Variants in POLR2C observed in about 807,000 individuals in gnomAD.
The protein encoded by POLR2C is DNA-directed RNA polymerase II subunit RPB3.
POLR2C carries 36 observed loss-of-function variants against 41.7 expected under a neutral mutation model. That is an observed-to-expected ratio of 0.86 (90% CI 0.66 to 1.14). The LOEUF is 1.14. Ranked by LOEUF, POLR2C falls within the 50% of genes most tolerant of loss-of-function variation. POLR2C has a pLI of 0.00. For synonymous variants in POLR2C, 133 were observed against 137.8 expected, an observed-to-expected ratio of 0.96 and a Z score of 0.25; for missense variants, 260 against 350.4, an observed-to-expected ratio of 0.74 and a Z score of 2.06.
At chr16:57,463,230 G>A in intron 2 of POLR2C, 152 bp downstream of exon 2, 1 of 717,698 alleles carries the variant, frequency 1.4e-6, no homozygotes, top group Non-Finnish European at 2.5e-6. Flanking sequence ...CATACCCTGT[G>A]CCCTTGGCTC....
chr16:57,470,424 T>C, intron 8 of POLR2C, 70 bp downstream of exon 8: 2 of 1,145,458 alleles, frequency 1.7e-6, no homozygotes, highest in East Asian at 2.6e-5. Flanking sequence ...GGCCGTGAGT[T>C]AGGCATTCCC....
Position 57,469,747 on chromosome 16 carries a change from A to G in POLR2C, c.425A>G (p.Tyr142Cys). Residue 142 changes from tyrosine to cysteine, a missense_variant, in exon 6 of 9, where the codon TAC becomes TGC. By Grantham distance (194) the Tyr-to-Cys change is radical (BLOSUM62 -2). Coordinates refer to ENST00000219252, the MANE Select transcript of POLR2C (RefSeq NM_032940.3). The surrounding 1 kb of genome is among the most constrained non-coding windows in gnomAD (Gnocchi z 5.8). The part of the protein sequence containing the change: ...SRNRDNDPND[Y>C]VEQDDILIVK... ...AACCGAGATAATGACCCCAATGACT[A>G]CGTGGAGCAGGATGGTAAGTCTTCC... The G allele has an allele frequency of 6.2e-7, 1 of 1,613,976 alleles. No individual in the cohort carries two copies. Among genetic ancestry groups the G allele is most frequent in the Non-Finnish European group, 8.5e-7 (1 of 1,179,824 alleles).
rs562122374 is a variant in POLR2C, at chr16:57,466,325, TGTA to T, written c.258+101_258+103del. 92 of 799,972 alleles carry T rather than the reference TGTA, an allele frequency of 1.2e-4. No homozygotes were observed. In the African/African-American group the frequency reaches 1.4e-3, roughly 12 times the overall value. The allele number at this position is 799,972 out of a possible 1,614,324, so 49.6% of individuals were successfully genotyped here. A position where few individuals can be genotyped will look rare whatever the true frequency, so the allele number is the denominator to read the frequency against. On this transcript the variant is annotated intron_variant, in intron 4 of 8. Transcript: ENST00000219252. Reference sequence around the variant, plus strand: ...ATTTGGCATCCAGCTTGAATACTGTTGTAGTTCTGGAACAACAACGTGGAGATG... The same window carrying T: ...ATTTGGCATCCAGCTTGAATACTGTTGTTCTGGAACAACAACGTGGAGATG...
chr16:57,469,412 C>A lies in POLR2C; in HGVS notation c.387+119C>A. The A allele has an allele frequency of 8.9e-7, 1 of 1,123,910 alleles. No homozygotes were observed. The allele number at this position is 1,123,910 out of a possible 1,614,324, so 69.6% of individuals were successfully genotyped here. On this transcript the variant is annotated intron_variant, in intron 5 of 8. Coordinates refer to ENST00000219252, the MANE Select transcript of POLR2C (RefSeq NM_032940.3). The surrounding 1 kb of genome is among the most constrained non-coding windows in gnomAD (Gnocchi z 5.8). ...GTTGGCTTTCCCTGTTACCCTCTGC[C>A]TTAATCTGATCCCTAGAAGTGCTAA... is the stretch of plus-strand genomic sequence containing the variant.
Position 57,469,622 on chromosome 16 carries a change from T to C in POLR2C, c.388-88T>C, listed in dbSNP as rs1229406158. On this transcript the variant is annotated intron_variant, in intron 5 of 8. Coordinates refer to ENST00000219252, the MANE Select transcript of POLR2C (RefSeq NM_032940.3). The surrounding 1 kb of genome is among the most constrained non-coding windows in gnomAD (Gnocchi z 5.8). ...AGGTGTTCGTTCCCTGGTTGACAGA[T>C]TGCAGTCTAGAGGTGCTGGGATATG... 1.8e-6 allele frequency: 2 copies of C among 1,117,580 alleles called. No individual in the cohort carries two copies. Among genetic ancestry groups the C allele is most frequent in the Non-Finnish European group, 2.7e-6 (2 of 731,418 alleles). The allele number at this position is 1,117,580 out of a possible 1,614,324, so 69.2% of individuals were successfully genotyped here.
intron 8 of POLR2C, 91 bp downstream of exon 8, chr16:57,470,445 C>A: frequency 1.1e-6 from 1 of 894,096 alleles, no homozygotes; most frequent in Non-Finnish European, 1.8e-6. Flanking sequence ...TCTCCCCCAC[C>A]TCGCAGTTCT....
intron 8 of POLR2C, among the ~76,000 whole-genome samples, chr16:57,470,724 T>G (rs1433888100): frequency 6.6e-6 from 1 of 152,218 alleles, no homozygotes; most frequent in Non-Finnish European, 1.5e-5. Context: ...TCAGGGGGCA[T>G]GCATACATAC....
intron 3 of POLR2C, 40 bp downstream of exon 3, chr16:57,466,061 T>C: frequency 1.4e-6 from 2 of 1,450,180 alleles, no homozygotes; most frequent in Non-Finnish European, 9.7e-7. Context: ...GGGAGGGTAT[T>C]GTGCCTAGTG....
chr16:57,470,964 T>A lies in POLR2C; in HGVS notation c.684-11T>A. ...GCCTCGCAGTGCACTCACTGGACTC[T>A]TGCCTCCTAGGTTTTACTACAATGT... On this transcript the variant is annotated splice_polypyrimidine_tract_variant and intron_variant, in intron 8 of 8. Transcript: ENST00000219252. 1 of 1,611,644 alleles carries A rather than the reference T, an allele frequency of 6.2e-7. No homozygotes were observed. The highest frequency in any genetic ancestry group is 8.5e-7 in the Non-Finnish European group (1 of 1,179,766).
intron 8 of POLR2C, 88 bp downstream of exon 8, chr16:57,470,442 C>G (rs990199784): frequency 1.1e-5 from 10 of 931,726 alleles, no homozygotes; most frequent in African/African-American, 3.3e-5. Flanking sequence ...CCCTCTCCCC[C>G]ACCTCGCAGT....
At position 57,471,417 on chromosome 16, in the gene POLR2C, C is replaced by T; in HGVS notation, c.*298C>T. ...GTGCACCTGTAGGGAACCAACTAGACTTCTCTCCTGGTTAGTCCAGCTCTT... is the reference window on the plus strand; with the variant it reads ...GTGCACCTGTAGGGAACCAACTAGATTTCTCTCCTGGTTAGTCCAGCTCTT... On this transcript the variant is annotated 3_prime_UTR_variant, in exon 9 of 9. Transcript: ENST00000219252. The T allele has an allele frequency of 2.9e-6, 1 of 346,132 alleles. No individual in the cohort carries two copies. Among genetic ancestry groups the T allele is most frequent in the East Asian group, 5.5e-5 (1 of 18,334 alleles). 21.4% of individuals were successfully genotyped at this position (346,132 alleles called of 1,614,324 possible).
At chr16:57,464,897 G>A (rs2030666218) in intron 2 of POLR2C, among the ~76,000 whole-genome samples, 1 of 152,176 alleles carries the variant, frequency 6.6e-6, no homozygotes, top group Admixed American at 6.5e-5. Flanking sequence ...GGACCTGCGT[G>A]AAGGAATTTC....
In POLR2C at chr16:57,471,032, A is replaced by C. The variant is rs774017968; in HGVS notation, c.741A>C (p.Ser247=). ...GSLRPETIVL[S]ALSGLKKKLS... Reference sequence around the variant, plus strand: ...TGCGTCCTGAAACCATTGTCCTGTCAGCCCTCTCAGGATTGAAGAAGAAAC... The same window carrying C: ...TGCGTCCTGAAACCATTGTCCTGTCCGCCCTCTCAGGATTGAAGAAGAAAC... Residue 247 remains serine (S), a synonymous_variant, in exon 9 of 9, where the codon TCA becomes TCC. Transcript: ENST00000219252. 6.2e-7 allele frequency: 1 copy of C among 1,613,600 alleles called. No individual in the cohort carries two copies. Among genetic ancestry groups the C allele is most frequent in the Non-Finnish European group, 8.5e-7 (1 of 1,179,608 alleles).
chr16:57,465,874 TA>T, intron 2 of POLR2C, 78 bp from the exon 3 acceptor site: 1 of 919,240 alleles, frequency 1.1e-6, no homozygotes, highest in Middle Eastern at 2.4e-4. Flanking sequence ...AGGTGATTCC[TA>T]AATCTTGAGA....
At chr16:57,463,102 C>G (rs767326062) in intron 2 of POLR2C, 24 bp downstream of exon 2, 2 of 1,590,370 alleles carry the variant, frequency 1.3e-6, no homozygotes, top group South Asian at 1.1e-5. Context: ...CTTCCTCGTT[C>G]CCGCGCCCAC....
At position 57,470,017 on chromosome 16, in the gene POLR2C, A is replaced by G. The variant is rs1194181132; in HGVS notation, c.496A>G (p.Lys166Glu). Residue 166 changes from lysine (K) to glutamate (E), a missense_variant, in exon 7 of 9, where the codon AAA becomes GAA. Coordinates refer to ENST00000219252, the MANE Select transcript of POLR2C (RefSeq NM_032940.3). ...GGAGCTGAGACTTCGAGCCTATGCC[A>G]AAAAGGGCTTTGGCAAGGAGCATGC... ...GQELRLRAYA[K>E]KGFGKEHAKW... The G allele has an allele frequency of 1.2e-6, 2 of 1,613,964 alleles. No individual in the cohort carries two copies. Among genetic ancestry groups the G allele is most frequent in the East Asian group, 4.5e-5 (2 of 44,890 alleles).
In POLR2C at chr16:57,463,014, C is replaced by G; in HGVS notation, c.87-15C>G. Reference sequence around the variant, plus strand: ...GCTGCAGCGCCTTCACGCCCCTTGGCTTTTGATCTTTCAGGGTGGCCAATT... The same window carrying G: ...GCTGCAGCGCCTTCACGCCCCTTGGGTTTTGATCTTTCAGGGTGGCCAATT... On this transcript the variant is annotated splice_polypyrimidine_tract_variant and intron_variant, in intron 1 of 8. Coordinates refer to ENST00000219252, the MANE Select transcript of POLR2C (RefSeq NM_032940.3). 3 of 1,608,880 alleles carry G rather than the reference C, an allele frequency of 1.9e-6. No homozygotes were observed. Among genetic ancestry groups the G allele is most frequent in the African/African-American group, 1.4e-5 (1 of 73,756 alleles).
Position 57,463,671 on chromosome 16 carries a change from G to A in POLR2C, c.136+593G>A, listed in dbSNP as rs546518685. 188 of 453,428 alleles carry A rather than the reference G, an allele frequency of 4.1e-4. 1 individual carries two copies. The highest frequency in any genetic ancestry group is 2.1e-3 in the Middle Eastern group (6 of 2,880). The allele number at this position is 453,428 out of a possible 1,614,324, so 28.1% of individuals were successfully genotyped here. A position where few individuals can be genotyped will look rare whatever the true frequency, so the allele number is the denominator to read the frequency against. The stretch of plus-strand genomic sequence containing the variant: ...ATTCTCTTAGGATAATGGCTTCCAG[G>A]CCGCGCTCGCGCCTGTAATTCCAGC... On this transcript the variant is annotated intron_variant, in intron 2 of 8. Coordinates refer to ENST00000219252, the MANE Select transcript of POLR2C (RefSeq NM_032940.3).
intron 2 of POLR2C, 175 bp downstream of exon 2, chr16:57,463,253 C>T: frequency 1.5e-6 from 1 of 653,198 alleles, no homozygotes; most frequent in African/African-American, 1.8e-5. Context: ...TGGCCGCCTC[C>T]CTGGCGCCCA....
Sources: allele counts gnomAD v4.1 joint callset (sites outside exome capture counted in the v4.1 genomes callset), GRCh38; gene constraint gnomAD v4.1.1; non-coding constraint Gnocchi (gnomAD v3.1); transcripts MANE v1.5; gene names NCBI Gene and HGNC (gene_info 2026-07-23, HGNC 2026-07-21).